Variants in RSRC1 observed in about 807,000 individuals in gnomAD.
The protein encoded by RSRC1 is arginine and serine rich coiled-coil 1.
RSRC1 carries 39 observed loss-of-function variants against 49.1 expected under a neutral mutation model. That is an observed-to-expected ratio of 0.79 (90% CI 0.61 to 1.04). RSRC1 has a LOEUF of 1.04. Ranked by LOEUF, RSRC1 falls within the 50% of genes least tolerant of loss-of-function variation. RSRC1 has a pLI of 0.00. For synonymous variants in RSRC1, 143 were observed against 130.8 expected (o/e 1.09, Z -0.63); for missense variants, 388 against 402.4 (o/e 0.96, Z 0.31).
At chr3:158,236,883 T>C (rs1211917504) in intron 4 of RSRC1, among the ~76,000 whole-genome samples, 2 of 152,260 alleles carry the variant, frequency 1.3e-5, no homozygotes, top group African/African-American at 4.8e-5. Flanking sequence ...TCATTGGCAG[T>C]AGTAAAGTTA....
At chr3:158,255,472 G>C (rs1724488307) in intron 4 of RSRC1, among the ~76,000 whole-genome samples, 2 of 152,152 alleles carry the variant, frequency 1.3e-5, no homozygotes, top group African/African-American at 4.8e-5. Flanking sequence ...CTGTAGCCTT[G>C]TAGTATAGTT....
At position 158,539,796 on chromosome 3, in the gene RSRC1, C is replaced by T. The variant is rs1434224669; in HGVS notation, c.759+2598C>T. 6.6e-6 allele frequency among the ~76,000 whole-genome samples: 1 copy of T among 152,116 alleles called. No individual in the cohort carries two copies. Among genetic ancestry groups the T allele is most frequent in the African/African-American group, 2.4e-5 (1 of 41,444 alleles). On this transcript the variant is annotated intron_variant, in intron 8 of 9. Coordinates refer to ENST00000611884, the MANE Select transcript of RSRC1 (RefSeq NM_001271838.2). The surrounding 1 kb of genome is among the most constrained non-coding windows in gnomAD (Gnocchi z 4.1). Reference sequence around the variant, plus strand: ...TAACTTCCATGCTCTGATCTAACCTCTGAGAGCTTCACCTTCTATTATGTG... The same window carrying T: ...TAACTTCCATGCTCTGATCTAACCTTTGAGAGCTTCACCTTCTATTATGTG...
At chr3:158,444,611 G>A (rs59966175) in intron 6 of RSRC1, among the ~76,000 whole-genome samples, 10,938 of 152,192 alleles carry the variant, frequency 0.072, 460 homozygotes, top group South Asian at 0.13. Flanking sequence ...AGGACTTCAT[G>A]TCTAAAACAG....
chr3:158,532,956 C>A (rs1712487460), intron 7 of RSRC1, among the ~76,000 whole-genome samples: 1 of 151,612 alleles, frequency 6.6e-6, no homozygotes, highest in African/African-American at 2.4e-5. Flanking sequence ...CACATTTTCC[C>A]AATCTTAAAA....
intron 3 of RSRC1, among the ~76,000 whole-genome samples, chr3:158,175,198 G>A (rs73874316): frequency 0.072 from 10,799 of 150,706 alleles, 434 homozygotes; most frequent in East Asian, 0.091. Flanking sequence ...GTTTTTAAGG[G>A]TTTTTTTTCA....
intron 6 of RSRC1, among the ~76,000 whole-genome samples, chr3:158,425,887 G>A (rs944414398): frequency 6.6e-6 from 1 of 151,728 alleles, no homozygotes; most frequent in Non-Finnish European, 1.5e-5. Context: ...AGAAAGAGGA[G>A]CGGTGGAGAT....
At chr3:158,460,664 G>A (rs937313208) in intron 6 of RSRC1, among the ~76,000 whole-genome samples, 3 of 151,754 alleles carry the variant, frequency 2.0e-5, no homozygotes, top group African/African-American at 7.2e-5. Flanking sequence ...CAATTCATAT[G>A]TCATCATTTA....
intron 7 of RSRC1, among the ~76,000 whole-genome samples, chr3:158,504,028 C>T (rs1739734725): frequency 1.3e-5 from 2 of 152,158 alleles, no homozygotes; most frequent in African/African-American, 4.8e-5. Context: ...CCTTGGGCAC[C>T]CAGTGAACTC....
intron 5 of RSRC1, among the ~76,000 whole-genome samples, chr3:158,350,199 A>G (rs1200931431): frequency 4.7e-5 from 6 of 128,382 alleles, no homozygotes; most frequent in Non-Finnish European, 8.1e-5. Flanking sequence ...TTTTTTTGAG[A>G]AAAGGTCTGG....
intron 5 of RSRC1, among the ~76,000 whole-genome samples, chr3:158,317,157 C>T (rs1349712401): frequency 1.3e-5 from 2 of 152,208 alleles, no homozygotes; most frequent in African/African-American, 4.8e-5. Context: ...AATTATGGCA[C>T]TGAAATTGCA....
chr3:158,444,731 G>A (rs1263434327), intron 6 of RSRC1, among the ~76,000 whole-genome samples: 1 of 151,830 alleles, frequency 6.6e-6, no homozygotes, highest in Non-Finnish European at 1.5e-5. Context: ...AACCTGCAGA[G>A]TAGGAAAATT....
At position 158,229,015 on chromosome 3, in the gene RSRC1, CACAT is replaced by C. The variant is rs1156470102; in HGVS notation, c.494+25773_494+25776del. Among the ~76,000 whole-genome samples, 3 of 119,434 alleles carry C rather than the reference CACAT, an allele frequency of 2.5e-5. 1 individual carries two copies. Among genetic ancestry groups the C allele is most frequent in the African/African-American group, 9.4e-5 (3 of 31,854 alleles). 78.4% of individuals were successfully genotyped at this position (119,434 alleles called of 152,430 possible). On this transcript the variant is annotated intron_variant, in intron 4 of 9. Transcript: ENST00000611884. ...ATACGTGTATATGTGTGTATAAACA[CACAT>C]ACGTGTATATGTGTGTATAAACACA...
chr3:158,145,502 G>C (rs1376068174), intron 3 of RSRC1, among the ~76,000 whole-genome samples: 1 of 152,116 alleles, frequency 6.6e-6, no homozygotes, highest in Non-Finnish European at 1.5e-5. Context: ...TCTCTGTTTT[G>C]GTAGCAGTAC....
At position 158,518,141 on chromosome 3, in the gene RSRC1, TATATA is replaced by T. The variant is rs1560073760; in HGVS notation, c.653-18950_653-18946del. Among the ~76,000 whole-genome samples the T allele has an allele frequency of 7.6e-4, 88 of 115,772 alleles. 2 individuals are homozygous for T. Among genetic ancestry groups the T allele is most frequent in the Non-Finnish European group, 1.2e-3 (69 of 58,338 alleles). 76.0% of individuals were successfully genotyped at this position (115,772 alleles called of 152,430 possible). A position where few individuals can be genotyped will look rare whatever the true frequency, so the allele number is the denominator to read the frequency against. ...GTGTGTGTGTGTATATATATATATA[TATATA>T]TATTTTTTTTTTTTTTTTTTTTACT... On this transcript the variant is annotated intron_variant, in intron 7 of 9. Coordinates refer to ENST00000611884, the MANE Select transcript of RSRC1 (RefSeq NM_001271838.2).
intron 6 of RSRC1, among the ~76,000 whole-genome samples, chr3:158,448,517 A>C (rs549651032): frequency 9.9e-5 from 15 of 151,912 alleles, no homozygotes; most frequent in Non-Finnish European, 1.9e-4. Context: ...ACTATCAGCT[A>C]TTCACTTTTT....
At chr3:158,259,572 T>C (rs574406567) in intron 4 of RSRC1, among the ~76,000 whole-genome samples, 1 of 152,294 alleles carries the variant, frequency 6.6e-6, no homozygotes, top group African/African-American at 2.4e-5. Flanking sequence ...CGGTGATCAC[T>C]GTCTGGCTAC....
chr3:158,422,337 G>A (rs1425262943), intron 6 of RSRC1, among the ~76,000 whole-genome samples: 1 of 150,054 alleles, frequency 6.7e-6, no homozygotes, highest in Non-Finnish European at 1.5e-5. Context: ...TTGGTTTTTT[G>A]TTCTTGTGAT....
At chr3:158,326,703 G>A (rs1375429665) in intron 5 of RSRC1, among the ~76,000 whole-genome samples, 1 of 152,066 alleles carries the variant, frequency 6.6e-6, no homozygotes, top group Non-Finnish European at 1.5e-5. Context: ...TTTTTGTTGT[G>A]TCTCTGCCAG....
intron 6 of RSRC1, among the ~76,000 whole-genome samples, chr3:158,386,685 A>C (rs965987496): frequency 2.0e-5 from 3 of 152,084 alleles, no homozygotes; most frequent in African/African-American, 7.2e-5. Context: ...AATCCATGTT[A>C]TTAACAGAGT....
Sources: allele counts gnomAD v4.1 joint callset (sites outside exome capture counted in the v4.1 genomes callset), GRCh38; gene constraint gnomAD v4.1.1; non-coding constraint Gnocchi (gnomAD v3.1); transcripts MANE v1.5; gene names NCBI Gene and HGNC (gene_info 2026-07-23, HGNC 2026-07-21).